SERGEF: variants seen among roughly 807,000 people sequenced by gnomAD.
SERGEF encodes the protein secretion regulating guanine nucleotide exchange factor, also known as secretion-regulating guanine nucleotide exchange factor.
SERGEF carries 51 observed loss-of-function variants against 50.0 expected under a neutral mutation model. The observed-to-expected ratio is 1.02, with a 90% confidence interval of 0.81 to 1.29. The LOEUF is 1.29. Among genes scored for constraint, SERGEF ranks in the 50% most tolerant of loss-of-function variants. The pLI is 0.00. For missense variants in SERGEF, 521 were observed against 557.0 expected (o/e 0.94, Z 0.65); for synonymous variants, 205 against 212.4 (o/e 0.97, Z 0.30).
chr11:17,890,243 C>T (rs1395559465), intron 9 of SERGEF, among the ~76,000 whole-genome samples: 1 of 152,078 alleles, frequency 6.6e-6, no homozygotes, highest in Non-Finnish European at 1.5e-5. Context: ...GGGTCGGTTT[C>T]ATACAGGAGA....
At chr11:17,911,394 C>CAT (rs1036953996) in intron 9 of SERGEF, among the ~76,000 whole-genome samples, 2 of 147,228 alleles carry the variant, frequency 1.4e-5, no homozygotes, top group African/African-American at 5.0e-5. Context: ...TATATACACA[C>CAT]ATATATATAC....
chr11:17,984,413 C>G (rs563144964), intron 8 of SERGEF, among the ~76,000 whole-genome samples: 183 of 152,194 alleles, frequency 1.2e-3, no homozygotes, highest in Non-Finnish European at 2.0e-3. Context: ...TTTAAACAAC[C>G]AGATCTCATG....
chr11:17,885,576 G>A (rs1051843727), intron 9 of SERGEF, among the ~76,000 whole-genome samples: 2 of 151,524 alleles, frequency 1.3e-5, no homozygotes, highest in African/African-American at 2.4e-5. Context: ...CTCCTCCCTC[G>A]GCCTCTCAAA....
chr11:18,000,253 G>C (rs1853931751), intron 5 of SERGEF, among the ~76,000 whole-genome samples: 1 of 152,158 alleles, frequency 6.6e-6, no homozygotes, highest in Admixed American at 6.5e-5. Flanking sequence ...TTCAAGACCA[G>C]CCTGGGCAAC....
chr11:18,000,743 T>A, intron 4 of SERGEF, 186 bp from the exon 5 acceptor site: 1 of 695,056 alleles, frequency 1.4e-6, no homozygotes, highest in Non-Finnish European at 2.7e-6. Context: ...AAAATATATC[T>A]TTTAAAATAC....
At chr11:17,877,269 AAAATATCAGAGCTGGAGGG>A (rs1197440812) in intron 10 of SERGEF, among the ~76,000 whole-genome samples, 2 of 152,206 alleles carry the variant, frequency 1.3e-5, no homozygotes, top group Non-Finnish European at 2.9e-5. Flanking sequence ...CAAGAGTCCT[AAAATATCAGAGCTGGAGGG>A]AAACTTGGTT....
intron 10 of SERGEF, among the ~76,000 whole-genome samples, chr11:17,844,173 A>C (rs1850557777): frequency 6.6e-6 from 1 of 152,210 alleles, no homozygotes; most frequent in Non-Finnish European, 1.5e-5. Context: ...TCAATACTTC[A>C]GACTCAGGTA....
intron 9 of SERGEF, among the ~76,000 whole-genome samples, chr11:17,899,745 C>A (rs2237926): frequency 4.0e-5 from 6 of 151,630 alleles, no homozygotes; most frequent in African/African-American, 9.7e-5. Context: ...TTGAGGCCAG[C>A]GGTTCAAGAC....
rs775999913 is a variant in SERGEF at position 17,995,749 on chromosome 11, CTTCCTGACAAAGAACAA to C, written c.622+30_622+46del. The C allele has an allele frequency of 4.8e-4, 631 of 1,320,402 alleles. 1 individual carries two copies. Among genetic ancestry groups the C allele is most frequent in the Admixed American group, 1.6e-3 (90 of 55,262 alleles). The allele number at this position is 1,320,402 out of a possible 1,614,324, so 81.8% of individuals were successfully genotyped here. Reference sequence around the variant, plus strand: ...CCTCTTCTGCATGTTTATGTCTCTACTTCCTGACAAAGAACAAATATAGGACTAAAGAAAGAAGCATC... The same window carrying C: ...CCTCTTCTGCATGTTTATGTCTCTACATATAGGACTAAAGAAAGAAGCATC... On this transcript the variant is annotated intron_variant, in intron 6 of 10. Transcript: ENST00000265965.
chr11:17,951,697 T>A (rs187271524), intron 9 of SERGEF, among the ~76,000 whole-genome samples: 306 of 152,280 alleles, frequency 2.0e-3, no homozygotes, highest in African/African-American at 7.1e-3. Flanking sequence ...CTGTTGGTGT[T>A]CAGGGCTAGC....
chr11:17,846,633 C>A (rs1328787913), intron 10 of SERGEF: 9 of 448,794 alleles, frequency 2.0e-5, no homozygotes, highest in Admixed American at 1.4e-4. Context: ...GCACTGAAGT[C>A]TCTCACAGGA....
At chr11:17,929,176 C>T (rs115225872) in intron 9 of SERGEF, among the ~76,000 whole-genome samples, 1,641 of 152,298 alleles carry the variant, frequency 0.011, 30 homozygotes, top group African/African-American at 0.038. Flanking sequence ...TTACATAACT[C>T]GGCATTGTCA....
In SERGEF at chr11:17,884,973, CGCTCAGA is replaced by C. The variant is rs1164516477; in HGVS notation, c.1012-6736_1012-6730del. 2.0e-5 allele frequency among the ~76,000 whole-genome samples: 3 copies of C among 152,138 alleles called. No homozygotes were observed. Among genetic ancestry groups the C allele is most frequent in the African/African-American group, 7.2e-5 (3 of 41,446 alleles). ...TCCCTACATAGCAGGCCAGCAAACCCGCTCAGAGCAGTTAAGTCACTGGTCCCAGGTC... is the reference window on the plus strand; with the variant it reads ...TCCCTACATAGCAGGCCAGCAAACCCGCAGTTAAGTCACTGGTCCCAGGTC... On this transcript the variant is annotated intron_variant, in intron 9 of 10. Coordinates refer to ENST00000265965, the MANE Select transcript of SERGEF (RefSeq NM_012139.4). The surrounding 1 kb of genome is among the most constrained non-coding windows in gnomAD (Gnocchi z 4.6).
At chr11:17,945,573 T>C (rs934456773) in intron 9 of SERGEF, among the ~76,000 whole-genome samples, 1 of 152,266 alleles carries the variant, frequency 6.6e-6, no homozygotes, top group East Asian at 1.9e-4. Flanking sequence ...AAAGTTCTAC[T>C]GGACAGCACT....
chr11:17,803,817 T>C (rs1050418549), intron 10 of SERGEF, among the ~76,000 whole-genome samples: 7 of 152,230 alleles, frequency 4.6e-5, no homozygotes, highest in Non-Finnish European at 8.8e-5. Flanking sequence ...CCCATCTCCA[T>C]GGACCCCTTG....
intron 9 of SERGEF, among the ~76,000 whole-genome samples, chr11:17,891,397 T>C (rs774598111): frequency 1.3e-5 from 2 of 152,226 alleles, no homozygotes; most frequent in African/African-American, 4.8e-5. Flanking sequence ...AAAAATGAAC[T>C]GGTCCTAGTG....
In SERGEF at chr11:18,012,998, G is replaced by C; in HGVS notation, c.13C>G (p.Pro5Ala). The change falls in exon 1 of 11, where the codon CCC becomes GCC. Residue 5 changes from proline to alanine, a missense_variant. Coordinates refer to ENST00000265965, the MANE Select transcript of SERGEF (RefSeq NM_012139.4). MERE[P>A]SASEAAPAAA... is the part of the protein sequence containing the mutation. Reference sequence around the variant, plus strand: ...GCGGGGGCGGCCTCCGAGGCGCTGGGCTCGCGCTCCATGCGAGGACGCTCC... The same window carrying C: ...GCGGGGGCGGCCTCCGAGGCGCTGGCCTCGCGCTCCATGCGAGGACGCTCC... 6.9e-7 allele frequency: 1 copy of C among 1,448,790 alleles called. No individual in the cohort carries two copies. 89.7% of individuals were successfully genotyped at this position (1,448,790 alleles called of 1,614,324 possible).
intron 10 of SERGEF, among the ~76,000 whole-genome samples, chr11:17,836,232 C>A (rs1420558693): frequency 3.3e-5 from 5 of 152,232 alleles, no homozygotes; most frequent in Admixed American, 6.5e-5. Context: ...CACATTTTAT[C>A]CTCTTCAAAA....
At chr11:17,796,406 G>A (rs545311723) in intron 10 of SERGEF, among the ~76,000 whole-genome samples, 5 of 152,302 alleles carry the variant, frequency 3.3e-5, no homozygotes, top group South Asian at 2.1e-4. Context: ...GTTGAGAAGC[G>A]GGACCTTTAA....
Sources: gnomAD v4.1 joint callset for allele counts (sites outside exome capture counted in the v4.1 genomes callset) on GRCh38, gnomAD v4.1.1 for gene constraint, Gnocchi (gnomAD v3.1) non-coding constraint, MANE v1.5 for transcripts, NCBI Gene and HGNC (gene_info 2026-07-23, HGNC 2026-07-21) for gene names.